TRAF2: variants seen among roughly 807,000 people sequenced by gnomAD.
TRAF2 encodes TNF receptor-associated factor 2.
Under a neutral mutation model 55.6 loss-of-function variants are expected in TRAF2, and 6 were observed. That is an observed-to-expected ratio of 0.11 (90% CI 0.06 to 0.21). The LOEUF is 0.21. Among genes scored for constraint, TRAF2 ranks in the 10% least tolerant of loss-of-function variants. The pLI, the probability that TRAF2 is intolerant of heterozygous loss-of-function variation, is 1.00. For missense variants in TRAF2, 561 were observed against 684.5 expected (o/e 0.82, Z 2.01); for synonymous variants, 329 against 276.3 (o/e 1.19, Z -1.89).
chr9:136,916,721 C>A (rs1462285933), intron 7 of TRAF2, 106 bp downstream of exon 7: 5 of 1,129,512 alleles, frequency 4.4e-6, no homozygotes, highest in African/African-American at 1.6e-5. Context: ...TCCTCAGCCA[C>A]CTCTGCAGCA....
chr9:136,885,183 A>G (rs1272609139), upstream of TRAF2, among the ~76,000 whole-genome samples: 1 of 152,236 alleles, frequency 6.6e-6, no homozygotes, highest in Non-Finnish European at 1.5e-5. Flanking sequence ...GCCTGGGGAC[A>G]GCGTGGCCTG....
intron 1 of TRAF2, among the ~76,000 whole-genome samples, chr9:136,897,898 A>G (rs1849721625): frequency 7.3e-6 from 1 of 136,154 alleles, no homozygotes. Flanking sequence ...CTGGAGGGGA[A>G]CCCGTGGTAG....
rs1351313720 is a variant in TRAF2 at position 136,910,884 on chromosome 9, C to T, written c.603+890C>T. Among the ~76,000 whole-genome samples, 3 of 152,208 alleles carry T rather than the reference C, an allele frequency of 2.0e-5. No homozygotes were observed. The South Asian group carries it at 6.2e-4, about 32-fold the overall frequency. The stretch of plus-strand genomic sequence containing the variant: ...AAATGTCCCGCACTGTGAGCTTGGC[C>T]GAGTGCTGTCTGAAAGCATCCTTTC... On this transcript the variant is annotated intron_variant, in intron 6 of 10. Transcript: ENST00000247668.
At position 136,925,869 on chromosome 9, in the gene TRAF2, A is replaced by G. The variant is rs1850518419; in HGVS notation, c.1474A>G (p.Ile492Val). The stretch of plus-strand genomic sequence containing the variant: ...CTACGTGCGGGACGATGCCATCTTC[A>G]TCAAGGCCATTGTGGACCTGACAGG... ...NSYVRDDAIF[I>V]KAIVDLTGL is the part of the protein sequence containing the mutation. The change falls in exon 11 of 11, where the codon ATC (isoleucine) becomes GTC (valine). Residue 492 changes from isoleucine to valine, a missense_variant. Transcript: ENST00000247668. 6.2e-7 allele frequency: 1 copy of G among 1,614,224 alleles called. No individual in the cohort carries two copies. Among genetic ancestry groups the G allele is most frequent in the African/African-American group, 1.3e-5 (1 of 75,068 alleles).
At chr9:136,910,119 C>G (rs1850068095) in intron 6 of TRAF2, 125 bp downstream of exon 6, 4 of 1,066,464 alleles carry the variant, frequency 3.8e-6, no homozygotes, top group South Asian at 1.4e-5. Flanking sequence ...GTGCAAAGCC[C>G]CTGTAACGTT....
At chr9:136,924,877 T>C (rs921266999) in intron 10 of TRAF2, among the ~76,000 whole-genome samples, 3 of 152,084 alleles carry the variant, frequency 2.0e-5, no homozygotes, top group Non-Finnish European at 2.9e-5. Context: ...TAGCTGGGAC[T>C]ACAGGCATGC....
intron 1 of TRAF2, among the ~76,000 whole-genome samples, chr9:136,888,813 G>A (rs1376894310): frequency 1.3e-5 from 2 of 152,156 alleles, no homozygotes; most frequent in East Asian, 3.9e-4. Flanking sequence ...TTGTGGGGGT[G>A]TCCCATTGTG....
chr9:136,886,486 G>C (rs17250008), upstream of TRAF2: 1,892 of 1,003,348 alleles, frequency 1.9e-3, 24 homozygotes, highest in African/African-American at 0.028. Context: ...GGCGGCGGCG[G>C]CGTTGGGGGC....
chr9:136,920,947 A>G (rs986616346), intron 8 of TRAF2, 91 bp from the exon 9 acceptor site: 8 of 1,500,696 alleles, frequency 5.3e-6, no homozygotes, highest in Middle Eastern at 2.2e-4. Flanking sequence ...GCCCAAGAGC[A>G]CTGTCCTGCT....
At position 136,924,679 on chromosome 9, in the gene TRAF2, GGA is replaced by G. The variant is rs555924974; in HGVS notation, c.1287+687_1287+688del. ...ACCAGTAGTTTGAAAACCCTGCCCT[GGA>G]GAGAGAGTGCAGAGGAAGGAACACA... is the stretch of plus-strand genomic sequence containing the variant. On this transcript the variant is annotated intron_variant, in intron 10 of 10. Coordinates refer to ENST00000247668, the MANE Select transcript of TRAF2 (RefSeq NM_021138.4). Among the ~76,000 whole-genome samples, 296 of 152,286 alleles carry G rather than the reference GGA, an allele frequency of 1.9e-3. 6 individuals are homozygous for G. The highest frequency in any genetic ancestry group is 0.017 in the Admixed American group (265 of 15,300).
At position 136,916,490 on chromosome 9, in the gene TRAF2, G is replaced by A. The variant is rs1169923380; in HGVS notation, c.604-51G>A. 5 of 1,588,922 alleles carry A rather than the reference G, an allele frequency of 3.1e-6. No homozygotes were observed. In the Middle Eastern group the frequency reaches 5.0e-4, roughly 159 times the overall value. On this transcript the variant is annotated intron_variant, in intron 6 of 10. Transcript: ENST00000247668. Reference sequence around the variant, plus strand: ...TCAGTGTGGTCCATGTGGAAGTGCTGAAATGCATCAGAACAGAGAAAGATG... The same window carrying A: ...TCAGTGTGGTCCATGTGGAAGTGCTAAAATGCATCAGAACAGAGAAAGATG...
intron 6 of TRAF2, among the ~76,000 whole-genome samples, chr9:136,912,554 T>C (rs1340073868): frequency 6.6e-6 from 1 of 152,130 alleles, no homozygotes; most frequent in East Asian, 1.9e-4. Flanking sequence ...AAATTAAAAA[T>C]ACCTACTGAG....
chr9:136,898,517 T>C (rs1849738580), intron 1 of TRAF2, 196 bp from the exon 2 acceptor site: 4 of 931,932 alleles, frequency 4.3e-6, no homozygotes, highest in Non-Finnish European at 5.1e-6. Flanking sequence ...TGAGTTTCCA[T>C]ACTAGCGGCG....
chr9:136,896,671 C>T (rs978682829), intron 1 of TRAF2, among the ~76,000 whole-genome samples: 4 of 151,988 alleles, frequency 2.6e-5, no homozygotes, highest in East Asian at 1.9e-4. Context: ...AGTGGAGTCT[C>T]GCTCTGTCAC....
intron 6 of TRAF2, among the ~76,000 whole-genome samples, chr9:136,914,628 G>T (rs753265842): frequency 1.4e-4 from 21 of 152,174 alleles, no homozygotes; most frequent in Non-Finnish European, 4.4e-5. Flanking sequence ...CTTCCATGTT[G>T]CTGTCTCCTT....
chr9:136,920,910 G>C (rs1850368664), intron 8 of TRAF2, 128 bp from the exon 9 acceptor site: 3 of 1,158,382 alleles, frequency 2.6e-6, no homozygotes, highest in Admixed American at 4.7e-5. Context: ...GCAGGGAGTG[G>C]ACATGAGAAA....
At chr9:136,895,404 G>C (rs1438087405) in intron 1 of TRAF2, among the ~76,000 whole-genome samples, 1 of 152,212 alleles carries the variant, frequency 6.6e-6, no homozygotes, top group Non-Finnish European at 1.5e-5. Flanking sequence ...GCAGTGTTAG[G>C]ACCTGTGGCT....
chr9:136,886,330 C>A, upstream of TRAF2: 4 of 922,684 alleles, frequency 4.3e-6, no homozygotes, highest in Non-Finnish European at 5.2e-6. Flanking sequence ...GCGGCTCCTG[C>A]GGGCTCGCTG....
chr9:136,912,193 C>T (rs373475663), intron 6 of TRAF2, among the ~76,000 whole-genome samples: 1 of 106,824 alleles, frequency 9.4e-6, no homozygotes, highest in Non-Finnish European at 1.8e-5. Flanking sequence ...GACAGAGTCT[C>T]ACTCTGTCGT....
Sources: allele counts gnomAD v4.1 joint callset (sites outside exome capture counted in the v4.1 genomes callset), GRCh38; gene constraint gnomAD v4.1.1; transcripts MANE v1.5; gene names NCBI Gene and HGNC (gene_info 2026-07-23, HGNC 2026-07-21).